The following ZNF608 variants were observed in gnomAD, a reference collection of about 807,000 sequenced individuals.
ZNF608 encodes the protein renal carcinoma antigen NY-REN-36.
ZNF608 carries 12 observed loss-of-function variants against 109.0 expected under a neutral mutation model. The observed-to-expected ratio is 0.11, with a 90% CI of 0.07 to 0.18. ZNF608 has a LOEUF of 0.18. Ranked by LOEUF, ZNF608 falls within the 10% of genes least tolerant of loss-of-function variation. The pLI is 1.00. For synonymous variants in ZNF608, 732 were observed against 717.4 expected, an observed-to-expected ratio of 1.02 and a Z score of -0.33; for missense variants, 1,707 against 1,879.3, an observed-to-expected ratio of 0.91 and a Z score of 1.70.
chr5:124,713,025 C>T (rs1281450912), intron 2 of ZNF608, among the ~76,000 whole-genome samples: 1 of 152,134 alleles, frequency 6.6e-6, no homozygotes, highest in African/African-American at 2.4e-5. Flanking sequence ...TAATGGGGAT[C>T]CTAAATAAGC....
At chr5:124,674,581 AT>A (rs1452989306) in intron 3 of ZNF608, among the ~76,000 whole-genome samples, 2 of 152,034 alleles carry the variant, frequency 1.3e-5, no homozygotes, top group Non-Finnish European at 1.5e-5. Flanking sequence ...GAGCCAATGC[AT>A]TTTTTTTCTA....
At chr5:124,720,806 CT>C (rs1302462329) in intron 2 of ZNF608, among the ~76,000 whole-genome samples, 1 of 151,746 alleles carries the variant, frequency 6.6e-6, no homozygotes, top group Non-Finnish European at 1.5e-5. Context: ...CCTGGGCTGG[CT>C]TTTTTTTCCT....
At chr5:124,748,153 C>A (rs1749706030), upstream of ZNF608, among the ~76,000 whole-genome samples, 1 of 152,044 alleles carries the variant, frequency 6.6e-6, no homozygotes, top group African/African-American at 2.4e-5. Context: ...CTTGTTCTGC[C>A]CTTGCCCCCA....
intron 6 of ZNF608, among the ~76,000 whole-genome samples, chr5:124,643,927 T>C (rs376042724): frequency 2.5e-4 from 38 of 152,340 alleles, no homozygotes; most frequent in African/African-American, 8.4e-4. Flanking sequence ...CATTTACGTG[T>C]CCGCTTAAGT....
intron 2 of ZNF608, among the ~76,000 whole-genome samples, chr5:124,720,849 G>T (rs57123579): frequency 9.0e-5 from 4 of 44,234 alleles, no homozygotes; most frequent in Non-Finnish European, 1.6e-4. Flanking sequence ...CCCCCACCCC[G>T]CAAATTAAAT....
intron 2 of ZNF608, among the ~76,000 whole-genome samples, chr5:124,711,434 G>C (rs140703333): frequency 9.7e-4 from 147 of 152,286 alleles, no homozygotes; most frequent in African/African-American, 3.3e-3. Context: ...TTCCACTTTA[G>C]AGTAAAAGTA....
In ZNF608 at chr5:124,741,442, C is replaced by T. The variant is rs934260178; in HGVS notation, c.906+2642G>A. Among the ~76,000 whole-genome samples the T allele has an allele frequency of 2.0e-5, 3 of 151,710 alleles. No homozygotes were observed. The East Asian group carries it at 5.8e-4, about 29-fold the overall frequency. On this transcript the variant is annotated intron_variant, in intron 2 of 9. Transcript: ENST00000513986. The stretch of plus-strand genomic sequence containing the variant: ...AAATGCACACACACATACACTCCCC[C>T]CTTTGGTTTTCACATGTGGCCCCTC...
chr5:124,713,944 C>T (rs1753596856), intron 2 of ZNF608, among the ~76,000 whole-genome samples: 1 of 152,078 alleles, frequency 6.6e-6, no homozygotes, highest in Admixed American at 6.5e-5. Context: ...CTTAAAAAAA[C>T]CTAGGAGTCA....
chr5:124,642,477 A>G (rs1054434359), intron 7 of ZNF608, among the ~76,000 whole-genome samples: 47 of 152,256 alleles, frequency 3.1e-4, no homozygotes, highest in African/African-American at 1.0e-3. Flanking sequence ...ACCCCCAACC[A>G]TGAACACTGA....
chr5:124,706,330 G>A (rs1156921232), intron 2 of ZNF608, among the ~76,000 whole-genome samples: 1 of 152,166 alleles, frequency 6.6e-6, no homozygotes, highest in Non-Finnish European at 1.5e-5. Flanking sequence ...TCAGGGCCTG[G>A]TAGAAGGTAG....
At chr5:124,672,840 A>C (rs1375370176) in intron 3 of ZNF608, among the ~76,000 whole-genome samples, 6 of 152,240 alleles carry the variant, frequency 3.9e-5, no homozygotes, top group Non-Finnish European at 8.8e-5. Context: ...GTTCAGAGGA[A>C]GTCCAGAGAA....
At chr5:124,716,302 C>T (rs1442233185) in intron 2 of ZNF608, among the ~76,000 whole-genome samples, 3 of 151,004 alleles carry the variant, frequency 2.0e-5, no homozygotes, top group African/African-American at 4.9e-5. Context: ...TAACCATAAC[C>T]AAAACAACTT....
chr5:124,742,493 A>G (rs1336073866), intron 2 of ZNF608, among the ~76,000 whole-genome samples: 3 of 152,238 alleles, frequency 2.0e-5, no homozygotes, highest in Non-Finnish European at 4.4e-5. Context: ...ACTATTGGCA[A>G]CAAAAGTAAA....
chr5:124,747,235 T>A (rs1157540637), upstream of ZNF608, among the ~76,000 whole-genome samples: 3 of 151,330 alleles, frequency 2.0e-5, no homozygotes, highest in East Asian at 5.8e-4. Flanking sequence ...GCAAACGGTG[T>A]GTCTCCCTTT....
At position 124,744,445 on chromosome 5, in the gene ZNF608, C is replaced by G. The variant is rs756824740; in HGVS notation, c.545G>C (p.Gly182Ala). The G allele has an allele frequency of 3.1e-6, 5 of 1,614,246 alleles. No homozygotes were observed. Among genetic ancestry groups the G allele is most frequent in the Non-Finnish European group, 3.4e-6 (4 of 1,180,048 alleles). ...TSTSAATAGA[G>A]SCGKSKEEKP... ...CTCCTCTTTGCTTTTCCCACAGGAGCCTGCCCCCGCGGTGGCGGCAGAGGT... is the reference window on the plus strand; with the variant it reads ...CTCCTCTTTGCTTTTCCCACAGGAGGCTGCCCCCGCGGTGGCGGCAGAGGT... The change falls in exon 2 of 10, where the codon GGC becomes GCC. Residue 182 changes from glycine to alanine, a missense_variant. This residue lies in a region of ZNF608 where 407 missense variants were observed against 398.7 expected (regional missense o/e 1.02). Coordinates refer to ENST00000513986, the MANE Select transcript of ZNF608 (RefSeq NM_020747.3). This position sits in a 1 kb window ranked among gnomAD's most constrained non-coding sequence, Gnocchi z 4.5.
chr5:124,712,277 G>A (rs966432109), intron 2 of ZNF608, among the ~76,000 whole-genome samples: 2 of 152,256 alleles, frequency 1.3e-5, no homozygotes, highest in Admixed American at 6.5e-5. Flanking sequence ...GTGCCCCAGC[G>A]GTCTGTTTCA....
At chr5:124,725,981 C>A (rs1239987956) in intron 2 of ZNF608, among the ~76,000 whole-genome samples, 1 of 152,126 alleles carries the variant, frequency 6.6e-6, no homozygotes, top group Non-Finnish European at 1.5e-5. Flanking sequence ...TCTCACCTCC[C>A]ACAAAAAATC....
At chr5:124,660,064 CCAA>C (rs1751184106) in intron 3 of ZNF608, among the ~76,000 whole-genome samples, 1 of 152,110 alleles carries the variant, frequency 6.6e-6, no homozygotes, top group Non-Finnish European at 1.5e-5. Flanking sequence ...TTTACAAAGG[CCAA>C]CAACATTTAC....
intron 3 of ZNF608, among the ~76,000 whole-genome samples, chr5:124,689,799 C>A (rs59188650): frequency 1.3e-5 from 2 of 152,216 alleles, no homozygotes; most frequent in African/African-American, 4.8e-5. Flanking sequence ...GCCACTTTTC[C>A]AAAAAACAGT....
Sources: allele counts gnomAD v4.1 joint callset (sites outside exome capture counted in the v4.1 genomes callset), GRCh38; gene constraint gnomAD v4.1.1; regional missense constraint gnomAD v4.1.1; non-coding constraint Gnocchi (gnomAD v3.1); transcripts MANE v1.5; gene names NCBI Gene and HGNC (gene_info 2026-07-23, HGNC 2026-07-21).